NLGN1: variants seen among roughly 807,000 people sequenced by gnomAD.
NLGN1 encodes neuroligin-1.
NLGN1 carries 12 observed loss-of-function variants against 65.5 expected under a neutral mutation model. The observed-to-expected ratio is 0.18, with a 90% CI of 0.12 to 0.30. NLGN1 has a LOEUF of 0.30. NLGN1 is among the 10% of genes least tolerant of loss of function. The probability of loss-of-function intolerance (pLI) is 1.00; values close to 1 mark genes in which losing one functional copy is unlikely to be tolerated. For synonymous variants in NLGN1, 350 were observed against 359.5 expected, an observed-to-expected ratio of 0.97 and a Z score of 0.30; for missense variants, 750 against 1,007.1, an observed-to-expected ratio of 0.74 and a Z score of 3.46.
chr3:173,926,346 C>CTA (rs1441223161), intron 4 of NLGN1, among the ~76,000 whole-genome samples: 1 of 152,122 alleles, frequency 6.6e-6, no homozygotes, highest in African/African-American at 2.4e-5. Context: ...GTCTCCAACT[C>CTA]TAGTTTCTCT....
intron 4 of NLGN1, among the ~76,000 whole-genome samples, chr3:174,226,474 A>G (rs1739719778): frequency 6.6e-6 from 1 of 152,112 alleles, no homozygotes; most frequent in South Asian, 2.1e-4. Flanking sequence ...TTTCTTGTAC[A>G]AGTAGCATAA....
intron 3 of NLGN1, among the ~76,000 whole-genome samples, chr3:173,806,722 ATTATG>A (rs772851484): frequency 2.3e-4 from 35 of 152,160 alleles, no homozygotes; most frequent in African/African-American, 3.9e-4. Flanking sequence ...ACTGATTAAA[ATTATG>A]TTATGTTTAT....
intron 4 of NLGN1, among the ~76,000 whole-genome samples, chr3:174,045,824 T>A (rs553879230): frequency 2.6e-5 from 4 of 152,224 alleles, no homozygotes; most frequent in Admixed American, 1.3e-4. Context: ...TAGCCCAGAG[T>A]AAGTATGGAA....
intron 3 of NLGN1, among the ~76,000 whole-genome samples, chr3:173,641,394 A>T (rs1757402963): frequency 6.6e-6 from 1 of 152,098 alleles, no homozygotes; most frequent in Admixed American, 6.5e-5. Context: ...GCTCACTGCC[A>T]AGCTATTCTC....
intron 3 of NLGN1, among the ~76,000 whole-genome samples, chr3:173,683,733 T>C (rs142176929): frequency 1.3e-5 from 2 of 152,316 alleles, no homozygotes; most frequent in African/African-American, 4.8e-5. Flanking sequence ...AATAAGATAA[T>C]GTATATGAAA....
At chr3:173,967,982 G>A (rs1175948593) in intron 4 of NLGN1, among the ~76,000 whole-genome samples, 1 of 152,132 alleles carries the variant, frequency 6.6e-6, no homozygotes, top group African/African-American at 2.4e-5. Context: ...GAGCTTTGAT[G>A]GTAGCTGACG....
In NLGN1 at chr3:173,605,072, A is replaced by G. The variant is rs368721449; in HGVS notation, c.474A>G (p.Ile158Met). 122 of 1,610,646 alleles carry G rather than the reference A, an allele frequency of 7.6e-5. No individual in the cohort carries two copies. The South Asian group carries it at 7.7e-4, about 10-fold the overall frequency. Residue 158 changes from isoleucine to methionine, a missense_variant, in exon 3 of 7, where the codon ATA becomes ATG. By Grantham distance (10) the Ile-to-Met change is conservative. Transcript: ENST00000457714. ...GCGAAGACTGCCTATATTTAAATAT[A>G]TATGTCCCGACTGAGGATGGTGAGT...
intron 3 of NLGN1, among the ~76,000 whole-genome samples, chr3:173,610,939 T>C (rs1752183670): frequency 6.6e-6 from 1 of 152,020 alleles, no homozygotes; most frequent in Admixed American, 6.6e-5. Flanking sequence ...AATATTTTTA[T>C]ACAACAGCAA....
intron 4 of NLGN1, among the ~76,000 whole-genome samples, chr3:174,109,116 C>T (rs1714635107): frequency 6.6e-6 from 1 of 151,568 alleles, no homozygotes; most frequent in Non-Finnish European, 1.5e-5. Context: ...TTTTCCTTTG[C>T]TAAAATTATA....
At chr3:173,984,903 G>C (rs1418167323) in intron 4 of NLGN1, among the ~76,000 whole-genome samples, 6 of 152,162 alleles carry the variant, frequency 3.9e-5, no homozygotes, top group Non-Finnish European at 7.4e-5. Flanking sequence ...CTAGCCAGGT[G>C]TGGTGGCGTG....
In NLGN1 at chr3:173,903,476, A is replaced by T. The variant is rs1053076155; in HGVS notation, c.646+95644A>T. Among the ~76,000 whole-genome samples the T allele has an allele frequency of 5.9e-5, 9 of 152,192 alleles. No individual in the cohort carries two copies. The East Asian group carries it at 1.7e-3, about 29-fold the overall frequency. ...TTTGTACTTTGATTATCTGAAATAT[A>T]TTTATGTAAAACATAAACATGTTTC... On this transcript the variant is annotated intron_variant, in intron 4 of 6. Coordinates refer to ENST00000457714, the Ensembl canonical transcript of NLGN1.
intron 4 of NLGN1, among the ~76,000 whole-genome samples, chr3:173,909,417 T>C (rs1739121342): frequency 6.6e-6 from 1 of 152,164 alleles, no homozygotes; most frequent in Admixed American, 6.5e-5. Context: ...TGAAAAAAGT[T>C]TAATTCAAAT....
At chr3:174,199,706 G>C (rs1285822542) in intron 4 of NLGN1, among the ~76,000 whole-genome samples, 4 of 152,166 alleles carry the variant, frequency 2.6e-5, no homozygotes, top group Non-Finnish European at 5.9e-5. Context: ...TCATTTTGGT[G>C]CCATAAATTC....
At chr3:173,672,773 A>G (rs1404954092) in intron 3 of NLGN1, among the ~76,000 whole-genome samples, 3 of 152,210 alleles carry the variant, frequency 2.0e-5, no homozygotes, top group East Asian at 1.9e-4. Context: ...TCTCAAGTTG[A>G]AGTACCTATA....
chr3:173,841,819 G>A (rs1019055820), intron 4 of NLGN1, among the ~76,000 whole-genome samples: 1 of 152,126 alleles, frequency 6.6e-6, no homozygotes, highest in African/African-American at 2.4e-5. Context: ...CCTTAGAGAG[G>A]CAATGGAAAA....
chr3:173,407,517 C>T (rs1316331996), intron 1 of NLGN1, among the ~76,000 whole-genome samples: 2 of 152,078 alleles, frequency 1.3e-5, no homozygotes, highest in African/African-American at 2.4e-5. Flanking sequence ...ACCATGATTA[C>T]ATAATTACTA....
chr3:173,912,883 G>C (rs1278936584), intron 4 of NLGN1, among the ~76,000 whole-genome samples: 1 of 152,134 alleles, frequency 6.6e-6, no homozygotes, highest in African/African-American at 2.4e-5. Context: ...AGTGATTACT[G>C]TGTTAATATT....
At chr3:173,871,350 A>G (rs6445125) in intron 4 of NLGN1, among the ~76,000 whole-genome samples, 131,060 of 152,198 alleles carry the variant, frequency 0.86, 57,080 homozygotes, top group African/African-American at 0.91. Flanking sequence ...TTTTCAAAAA[A>G]GACAAATACA....
At chr3:173,545,242 T>A (rs1204049523) in intron 2 of NLGN1, among the ~76,000 whole-genome samples, 1 of 152,016 alleles carries the variant, frequency 6.6e-6, no homozygotes, top group Non-Finnish European at 1.5e-5. Context: ...ACCCGGCTAA[T>A]TTTGTATTTC....
Sources: gnomAD v4.1 joint callset for allele counts (sites outside exome capture counted in the v4.1 genomes callset) on GRCh38, gnomAD v4.1.1 for gene constraint, MANE v1.5 for transcripts, NCBI Gene and HGNC (gene_info 2026-07-23, HGNC 2026-07-21) for gene names.